Variants in ZC3H12B observed in about 807,000 individuals in gnomAD.
ZC3H12B encodes probable ribonuclease ZC3H12B.
In ZC3H12B, 7 loss-of-function variants were observed where a neutral mutation model predicts 43.9. That is an observed-to-expected ratio of 0.16 (90% confidence interval 0.09 to 0.30). ZC3H12B has a LOEUF of 0.30. Ranked by LOEUF, ZC3H12B falls within the 10% of genes least tolerant of loss-of-function variation. ZC3H12B has a pLI of 1.00. For missense variants in ZC3H12B, 475 were observed against 670.2 expected, an observed-to-expected ratio of 0.71 and a Z score of 3.22; for synonymous variants, 222 against 241.7, an observed-to-expected ratio of 0.92 and a Z score of 0.76.
At chrX:65,406,279 A>T (rs2066819807) in intron 3 of ZC3H12B, among the ~76,000 whole-genome samples, 1 of 102,340 alleles carries the variant, frequency 9.8e-6, no homozygotes, top group South Asian at 4.2e-4. Flanking sequence ...ATGTTACATT[A>T]AAAAAAAAAA....
the ZC3H12B span, among the ~76,000 whole-genome samples, chrX:65,059,849 A>G: frequency 1.8e-5 from 2 of 111,991 alleles, no homozygotes; most frequent in East Asian, 5.6e-4. Context: ...CTTCTGATCT[A>G]TAAGTATGGA....
At chrX:65,469,519 A>G (rs1461279053) in intron 3 of ZC3H12B, 8 of 344,252 alleles carry the variant, frequency 2.3e-5, no homozygotes, top group Non-Finnish European at 4.3e-5. Context: ...GTAAAATTCC[A>G]GCATGTTGCT....
the ZC3H12B span, among the ~76,000 whole-genome samples, chrX:65,134,471 G>A: frequency 8.9e-6 from 1 of 111,900 alleles, no homozygotes; most frequent in Non-Finnish European, 1.9e-5. Flanking sequence ...AGAGGAAAAA[G>A]AACTGGAATT....
chrX:65,238,459 G>A, the ZC3H12B span, among the ~76,000 whole-genome samples: 2 of 109,468 alleles, frequency 1.8e-5, no homozygotes, highest in Non-Finnish European at 3.8e-5. Flanking sequence ...TATCATTTTT[G>A]CTTGTGGCTA....
chrX:65,090,936 G>A, the ZC3H12B span, among the ~76,000 whole-genome samples: 16 of 110,901 alleles, frequency 1.4e-4, no homozygotes, highest in Admixed American at 9.6e-4. Context: ...ATCCCCCTGC[G>A]TCTCTCTCTT....
At chrX:65,059,796 T>A in the ZC3H12B span, among the ~76,000 whole-genome samples, 23 of 112,068 alleles carry the variant, frequency 2.1e-4, no homozygotes, top group South Asian at 8.5e-3. Flanking sequence ...TTGCATTGAA[T>A]ATGTAGACTA....
chrX:65,175,370 TA>T, the ZC3H12B span, among the ~76,000 whole-genome samples: 2 of 112,222 alleles, frequency 1.8e-5, no homozygotes, highest in African/African-American at 6.5e-5. Context: ...TTTTTTTTTT[TA>T]CTTAAAAATT....
chrX:65,234,332 A>G, the ZC3H12B span, among the ~76,000 whole-genome samples: 1 of 112,090 alleles, frequency 8.9e-6, no homozygotes, highest in South Asian at 3.7e-4. Flanking sequence ...AAACTCTTTA[A>G]AGAACTTGGT....
chrX:65,061,778 C>T, the ZC3H12B span, among the ~76,000 whole-genome samples: 2 of 112,308 alleles, frequency 1.8e-5, no homozygotes, highest in Non-Finnish European at 3.8e-5. Context: ...TTTACATTCT[C>T]ACCAACAGTG....
the ZC3H12B span, among the ~76,000 whole-genome samples, chrX:65,310,901 T>A: frequency 2.7e-5 from 3 of 112,123 alleles, no homozygotes; most frequent in Non-Finnish European, 5.6e-5. Flanking sequence ...TGGGGAAAGA[T>A]TCCCTATTTA....
the ZC3H12B span, among the ~76,000 whole-genome samples, chrX:65,293,018 T>C: frequency 8.9e-6 from 1 of 112,065 alleles, no homozygotes; most frequent in Non-Finnish European, 1.9e-5. Flanking sequence ...AGCTGAAACA[T>C]CATTCAAATA....
chrX:65,111,545 A>AT, the ZC3H12B span, among the ~76,000 whole-genome samples: 1 of 88,851 alleles, frequency 1.1e-5, no homozygotes, highest in Non-Finnish European at 1.9e-5. Context: ...TTATTTTTTT[A>AT]TTTTTTTATT....
the ZC3H12B span, among the ~76,000 whole-genome samples, chrX:65,201,252 C>T: frequency 7.2e-5 from 8 of 111,277 alleles, no homozygotes; most frequent in African/African-American, 2.6e-4. Flanking sequence ...TTTAGGGATT[C>T]AATCTGTTCC....
intron 3 of ZC3H12B, chrX:65,469,451 C>T: frequency 2.3e-6 from 1 of 434,390 alleles, no homozygotes; most frequent in Admixed American, 3.3e-5. Flanking sequence ...GCCTCAATGA[C>T]TCCATGCTCT....
the ZC3H12B span, among the ~76,000 whole-genome samples, chrX:65,149,102 T>A: frequency 3.6e-5 from 4 of 111,845 alleles, no homozygotes; most frequent in Non-Finnish European, 7.5e-5. Context: ...ATTGCTCTGA[T>A]TTCCCACACT....
chrX:65,182,493 G>C, the ZC3H12B span, among the ~76,000 whole-genome samples: 4 of 110,964 alleles, frequency 3.6e-5, no homozygotes, highest in African/African-American at 9.8e-5. Context: ...TGCTCTGTCA[G>C]TACCATTCTG....
At chrX:65,178,219 A>T in the ZC3H12B span, among the ~76,000 whole-genome samples, 2 of 112,388 alleles carry the variant, frequency 1.8e-5, no homozygotes, top group African/African-American at 3.2e-5. Flanking sequence ...TATGCAGCAA[A>T]CTGAAACTGG....
the ZC3H12B span, among the ~76,000 whole-genome samples, chrX:65,220,673 C>T: frequency 2.7e-5 from 3 of 111,748 alleles, no homozygotes; most frequent in African/African-American, 9.8e-5. Context: ...ATATATGCAC[C>T]TAACGCTGGA....
At chrX:65,287,502 T>C in the ZC3H12B span, among the ~76,000 whole-genome samples, 25,531 of 109,815 alleles carry the variant, frequency 0.23, 7,294 homozygotes, top group African/African-American at 0.81. Flanking sequence ...ACACCTGTAA[T>C]CCCAGCACTT....
Sources: allele counts gnomAD v4.1 joint callset (sites outside exome capture counted in the v4.1 genomes callset), GRCh38; gene constraint gnomAD v4.1.1; transcripts MANE v1.5; gene names NCBI Gene and HGNC (gene_info 2026-07-23, HGNC 2026-07-21).